The following SBF2 variants were observed in gnomAD, a reference collection of about 807,000 sequenced individuals.
SBF2 encodes the protein myotubularin-related protein 13.
In SBF2, 112 loss-of-function variants were observed where a neutral mutation model predicts 225.2. That is an observed-to-expected ratio of 0.50 (90% CI 0.43 to 0.58). The LOEUF is 0.58. Among genes scored for constraint, SBF2 ranks in the 20% least tolerant of loss-of-function variants. The pLI, the probability that SBF2 is intolerant of heterozygous loss-of-function variation, is 0.00. For synonymous variants in SBF2, 763 were observed against 773.3 expected, an observed-to-expected ratio of 0.99 and a Z score of 0.22; for missense variants, 1,996 against 2,206.2, an observed-to-expected ratio of 0.90 and a Z score of 1.91.
chr11:10,183,290 T>C (rs16907552), intron 2 of SBF2, among the ~76,000 whole-genome samples: 14,497 of 152,142 alleles, frequency 0.095, 944 homozygotes, highest in East Asian at 0.29. Flanking sequence ...TCCTTTCCAA[T>C]GGTAAATAGT....
intron 1 of SBF2, among the ~76,000 whole-genome samples, chr11:10,265,451 AAC>A (rs1320122046): frequency 2.6e-5 from 3 of 116,926 alleles, no homozygotes; most frequent in Non-Finnish European, 4.8e-5. Flanking sequence ...TTGTAAATTT[AAC>A]AGTTTCTATC....
At chr11:9,950,446 G>A (rs113969792) in intron 16 of SBF2, among the ~76,000 whole-genome samples, 2 of 152,144 alleles carry the variant, frequency 1.3e-5, no homozygotes, top group African/African-American at 2.4e-5. Flanking sequence ...AATGACTACT[G>A]CAGATAATAG....
At chr11:10,290,848 T>C (rs1964116308) in intron 1 of SBF2, among the ~76,000 whole-genome samples, 3 of 152,272 alleles carry the variant, frequency 2.0e-5, no homozygotes, top group Admixed American at 1.3e-4. Context: ...GCCCTGACCA[T>C]TAACAGGACC....
chr11:10,162,033 A>T (rs2135213040), intron 2 of SBF2, among the ~76,000 whole-genome samples: 1 of 152,240 alleles, frequency 6.6e-6, no homozygotes, highest in East Asian at 1.9e-4. Context: ...CATTTTTAGC[A>T]CTGTTCCCCT....
intron 32 of SBF2, among the ~76,000 whole-genome samples, chr11:9,801,116 C>G (rs1309394315): frequency 1.3e-5 from 2 of 152,136 alleles, no homozygotes; most frequent in African/African-American, 4.8e-5. Flanking sequence ...TAAATTAATT[C>G]TATGTCAGCA....
intron 37 of SBF2, 33 bp from the exon 38 acceptor site, chr11:9,784,471 G>T: frequency 6.7e-7 from 1 of 1,492,856 alleles, no homozygotes; most frequent in South Asian, 1.1e-5. Flanking sequence ...AGTTAATTTT[G>T]ATTTACACTT....
intron 21 of SBF2, 79 bp downstream of exon 21, chr11:9,852,597 C>A: frequency 9.7e-7 from 1 of 1,033,226 alleles, no homozygotes; most frequent in Middle Eastern, 2.0e-4. Flanking sequence ...AGGTGAACAT[C>A]CTTTCCTGGC....
At chr11:9,934,789 A>G (rs1169110520) in intron 16 of SBF2, among the ~76,000 whole-genome samples, 1 of 152,224 alleles carries the variant, frequency 6.6e-6, no homozygotes, top group Non-Finnish European at 1.5e-5. Context: ...TAAACAAGGT[A>G]TTGACGGAAC....
rs534727061 is a variant in SBF2, at chr11:9,781,577, A to C, written c.5381T>G (p.Val1794Gly). Residue 1794 changes from valine (V) to glycine (G), a missense_variant, in exon 39 of 40, where the codon GTA becomes GGA. By Grantham distance (109) the Val-to-Gly change is moderately radical. Transcript: ENST00000256190. ...GGGGCCAGCAGGGATGACCATTTCT[A>C]CTTCAGCCAGATCAATGTGGCCTTT... ...SCKGHIDLAE[V>G]EMVIPAGPSM... 3.1e-6 allele frequency: 5 copies of C among 1,614,190 alleles called. No homozygotes were observed. In the South Asian group the frequency reaches 5.5e-5, roughly 18 times the overall value.
chr11:10,028,208 C>T (rs557851313), intron 6 of SBF2, among the ~76,000 whole-genome samples: 124 of 152,200 alleles, frequency 8.1e-4, no homozygotes, highest in African/African-American at 2.9e-3. Flanking sequence ...GCTACCACAC[C>T]CGTCCCATCC....
upstream of SBF2, among the ~76,000 whole-genome samples, chr11:10,294,677 A>G (rs1045423905): frequency 1.3e-5 from 2 of 151,658 alleles, no homozygotes; most frequent in Non-Finnish European, 2.9e-5. Flanking sequence ...AATTTTAGAA[A>G]CATGCCACCG....
At chr11:10,015,174 T>C (rs1396014949) in intron 6 of SBF2, among the ~76,000 whole-genome samples, 2 of 152,090 alleles carry the variant, frequency 1.3e-5, no homozygotes, top group Non-Finnish European at 2.9e-5. Context: ...ACTGTATCAA[T>C]GTCAGTTCCT....
At chr11:9,993,244 T>G in intron 10 of SBF2, 141 bp from the exon 11 acceptor site, 1 of 651,054 alleles carries the variant, frequency 1.5e-6, no homozygotes, top group Non-Finnish European at 2.7e-6. Flanking sequence ...CAACCAAACA[T>G]AAGAAGAAAA....
At position 9,784,421 on chromosome 11, in the gene SBF2, A is replaced by C. The variant is rs1852233208; in HGVS notation, c.5249T>G (p.Leu1750Arg). The C allele has an allele frequency of 1.2e-6, 2 of 1,613,888 alleles. No homozygotes were observed. Among genetic ancestry groups the C allele is most frequent in the Non-Finnish European group, 1.7e-6 (2 of 1,179,864 alleles). The part of the protein sequence containing the change: ...NDENRSFEGT[L>R]YKRGALLKGW... The stretch of plus-strand genomic sequence containing the variant: ...TTTCAGCAAAGCCCCTCTTTTATAA[A>C]GTGTTCCCTCAAAGGACCTAGAAGA... Residue 1750 changes from leucine to arginine, a missense_variant, in exon 38 of 40, where the codon CTT (leucine) becomes CGT (arginine). Leu to Arg is a moderately radical substitution (Grantham distance 102). Transcript: ENST00000256190.
intron 16 of SBF2, among the ~76,000 whole-genome samples, chr11:9,951,794 AAAAATGG>A (rs1200118377): frequency 6.6e-6 from 1 of 152,200 alleles, no homozygotes; most frequent in African/African-American, 2.4e-5. Flanking sequence ...TTTTACAAGA[AAAAATGG>A]AAAATGAAAG....
intron 29 of SBF2, 95 bp from the exon 30 acceptor site, chr11:9,812,803 G>C: frequency 7.8e-7 from 1 of 1,285,008 alleles, no homozygotes; most frequent in Non-Finnish European, 1.1e-6. Flanking sequence ...AAAGTTATTT[G>C]GGGCCAAATA....
chr11:9,909,409 C>T (rs992519230), intron 16 of SBF2, among the ~76,000 whole-genome samples: 2 of 151,918 alleles, frequency 1.3e-5, no homozygotes, highest in Non-Finnish European at 2.9e-5. Flanking sequence ...CGGTGGCTTA[C>T]GCCTGTAATC....
intron 1 of SBF2, among the ~76,000 whole-genome samples, chr11:10,213,336 A>G (rs910057949): frequency 4.6e-5 from 7 of 152,160 alleles, no homozygotes; most frequent in South Asian, 2.1e-4. Context: ...ACTTTACTCA[A>G]TGGAGGTCAC....
chr11:10,268,335 T>C lies in SBF2; in HGVS notation c.55+25680A>G, dbSNP rs1962183539. The stretch of plus-strand genomic sequence containing the variant: ...CTTCCATTTTAAGTTCTTAAACCTA[T>C]ATTTTAAATTACTATAAGGACAGAA... On this transcript the variant is annotated intron_variant, in intron 1 of 39. Transcript: ENST00000256190. Among the ~76,000 whole-genome samples the C allele has an allele frequency of 2.0e-5, 3 of 152,188 alleles. No homozygotes were observed. The South Asian group carries it at 6.2e-4, about 32-fold the overall frequency.
Sources: gnomAD v4.1 joint callset for allele counts (sites outside exome capture counted in the v4.1 genomes callset) on GRCh38, gnomAD v4.1.1 for gene constraint, MANE v1.5 for transcripts, NCBI Gene and HGNC (gene_info 2026-07-23, HGNC 2026-07-21) for gene names.